Variants in RNLS observed in about 807,000 individuals in gnomAD.
RNLS encodes the protein renalase.
Under a neutral mutation model 39.8 loss-of-function variants are expected in RNLS, and 39 were observed. The ratio of observed to expected loss-of-function variants is 0.98; its 90% CI spans 0.76 to 1.28. RNLS has a LOEUF of 1.28. RNLS is among the 50% of genes most tolerant of loss of function. RNLS has a pLI of 0.00. For missense variants in RNLS, 410 were observed against 413.3 expected (o/e 0.99, Z 0.07); for synonymous variants, 147 against 150.7 (o/e 0.98, Z 0.18).
chr10:88,325,365 G>A (rs1846523408), intron 5 of RNLS, among the ~76,000 whole-genome samples: 1 of 152,142 alleles, frequency 6.6e-6, no homozygotes, highest in African/African-American at 2.4e-5. Context: ...AATAGCCACA[G>A]CAGTTTTTAG....
chr10:88,220,057 G>A, the RNLS span, among the ~76,000 whole-genome samples: 1 of 152,146 alleles, frequency 6.6e-6, no homozygotes, highest in African/African-American at 2.4e-5. Flanking sequence ...GCAGTGAAGG[G>A]CCAAGGGTGG....
At chr10:88,409,866 T>C (rs1053386437) in intron 4 of RNLS, among the ~76,000 whole-genome samples, 3 of 152,164 alleles carry the variant, frequency 2.0e-5, no homozygotes, top group Non-Finnish European at 1.5e-5. Flanking sequence ...AGAGGAAGCT[T>C]TATTTGTTTT....
At chr10:88,460,721 T>C (rs1212201785) in intron 4 of RNLS, among the ~76,000 whole-genome samples, 2 of 152,166 alleles carry the variant, frequency 1.3e-5, no homozygotes, top group Non-Finnish European at 2.9e-5. Context: ...AATTTAGAAC[T>C]ACTAAATAAA....
rs1843179538 is a variant in RNLS, at chr10:88,285,178, T to C, written c.*176A>G. 7.4e-6 allele frequency: 9 copies of C among 1,215,324 alleles called. No homozygotes were observed. The highest frequency in any genetic ancestry group is 8.3e-6 in the Non-Finnish European group (8 of 968,440). The allele number at this position is 1,215,324 out of a possible 1,614,324, so 75.3% of individuals were successfully genotyped here. A position where few individuals can be genotyped will look rare whatever the true frequency, so the allele number is the denominator to read the frequency against. On this transcript the variant is annotated 3_prime_UTR_variant, in exon 7 of 7. Transcript: ENST00000331772. ...GGTGTGAGGAATTTCCATTCTAGCA[T>C]GGGTTGTAACTATCAAAATTACAAA... is the stretch of plus-strand genomic sequence containing the variant.
intron 4 of RNLS, among the ~76,000 whole-genome samples, chr10:88,556,320 C>T (rs1848873418): frequency 6.6e-6 from 1 of 152,134 alleles, no homozygotes; most frequent in Non-Finnish European, 1.5e-5. Context: ...CCTTGTACAT[C>T]TGGATTGCAC....
At chr10:88,529,740 AC>A (rs927993518) in intron 4 of RNLS, among the ~76,000 whole-genome samples, 1 of 152,236 alleles carries the variant, frequency 6.6e-6, no homozygotes, top group Non-Finnish European at 1.5e-5. Context: ...TATGAAAAGA[AC>A]AGAGAATACT....
At chr10:88,202,615 G>A in the RNLS span, among the ~76,000 whole-genome samples, 5 of 152,210 alleles carry the variant, frequency 3.3e-5, no homozygotes, top group African/African-American at 4.8e-5. Context: ...AACTTCAAAC[G>A]TAGAGAGGGC....
chr10:88,489,150 C>T (rs1402573956), intron 4 of RNLS, among the ~76,000 whole-genome samples: 1 of 152,064 alleles, frequency 6.6e-6, no homozygotes, highest in East Asian at 1.9e-4. Context: ...AAAAGAGAGG[C>T]CTGTGTTCTA....
intron 6 of RNLS, among the ~76,000 whole-genome samples, chr10:88,305,875 A>G (rs923317187): frequency 1.3e-5 from 2 of 152,210 alleles, no homozygotes. Context: ...CAGACTATAC[A>G]TTCTTCTCAT....
chr10:88,389,317 T>G (rs1363955727), intron 4 of RNLS, among the ~76,000 whole-genome samples: 1 of 151,340 alleles, frequency 6.6e-6, no homozygotes, highest in African/African-American at 2.4e-5. Flanking sequence ...CTGTGCTGGG[T>G]TTTTTTTTGT....
chr10:88,466,361 CAGTT>C (rs1287119453), intron 4 of RNLS, among the ~76,000 whole-genome samples: 9 of 152,012 alleles, frequency 5.9e-5, no homozygotes, highest in South Asian at 2.1e-4. Flanking sequence ...GGTGAGAAAA[CAGTT>C]AGAGCTCAGG....
chr10:88,513,393 T>C (rs560596805), intron 4 of RNLS, among the ~76,000 whole-genome samples: 4 of 152,212 alleles, frequency 2.6e-5, no homozygotes, highest in Admixed American at 6.6e-5. Context: ...GCAAACTTTT[T>C]CCCCAACATT....
At chr10:88,474,003 C>T (rs899797170) in intron 4 of RNLS, among the ~76,000 whole-genome samples, 1 of 152,108 alleles carries the variant, frequency 6.6e-6, no homozygotes, top group Non-Finnish European at 1.5e-5. Context: ...TAAATTTTAG[C>T]ATCCTTGTGA....
intron 4 of RNLS, among the ~76,000 whole-genome samples, chr10:88,437,483 A>G (rs17335362): frequency 0.01 from 1,591 of 152,314 alleles, 15 homozygotes; most frequent in Non-Finnish European, 0.018. Context: ...TTAGGGGGAA[A>G]TCCAATTCAA....
At chr10:88,337,209 A>G (rs952185884) in intron 5 of RNLS, among the ~76,000 whole-genome samples, 1 of 152,198 alleles carries the variant, frequency 6.6e-6, no homozygotes, top group Non-Finnish European at 1.5e-5. Context: ...AGATGCAAGA[A>G]ATCCAGGACC....
intron 4 of RNLS, among the ~76,000 whole-genome samples, chr10:88,487,579 CTA>C (rs1335609929): frequency 3.9e-5 from 6 of 152,110 alleles, no homozygotes; most frequent in African/African-American, 7.2e-5. Context: ...ACTTATCAGA[CTA>C]TGTGTTGGCA....
chr10:88,399,916 G>A (rs945229060), intron 4 of RNLS, among the ~76,000 whole-genome samples: 1 of 152,008 alleles, frequency 6.6e-6, no homozygotes, highest in Non-Finnish European at 1.5e-5. Context: ...GTCCCAGAAG[G>A]ATCTAAGGGA....
chr10:88,335,270 T>C (rs1470160412), intron 5 of RNLS, among the ~76,000 whole-genome samples: 1 of 151,616 alleles, frequency 6.6e-6, no homozygotes, highest in Non-Finnish European at 1.5e-5. Flanking sequence ...CAGGCTGGAG[T>C]GCAGTGGCTC....
chr10:88,562,166 T>C (rs1305316943), intron 4 of RNLS, among the ~76,000 whole-genome samples: 4 of 152,124 alleles, frequency 2.6e-5, no homozygotes, highest in African/African-American at 9.7e-5. Flanking sequence ...AGCCAGAAAT[T>C]TCACTTTGGG....
Sources: allele counts gnomAD v4.1 joint callset (sites outside exome capture counted in the v4.1 genomes callset), GRCh38; gene constraint gnomAD v4.1.1; transcripts MANE v1.5; gene names NCBI Gene and HGNC (gene_info 2026-07-23, HGNC 2026-07-21).